RYR3: variants seen among roughly 807,000 people sequenced by gnomAD.
The protein encoded by RYR3 is brain ryanodine receptor-calcium release channel.
Under a neutral mutation model 584.3 loss-of-function variants are expected in RYR3, and 207 were observed. The ratio of observed to expected loss-of-function variants is 0.35; its 90% confidence interval spans 0.32 to 0.40. RYR3 has a LOEUF of 0.40. RYR3 is among the 10% of genes least tolerant of loss of function. The pLI, the probability that RYR3 is intolerant of heterozygous loss-of-function variation, is 1.00. For missense variants in RYR3, 5,616 were observed against 6,089.2 expected, an observed-to-expected ratio of 0.92 and a Z score of 2.59; for synonymous variants, 2,416 against 2,248.5, an observed-to-expected ratio of 1.07 and a Z score of -2.11.
intron 1 of RYR3, among the ~76,000 whole-genome samples, chr15:33,457,677 G>A (rs1227702365): frequency 1.3e-5 from 2 of 152,142 alleles, no homozygotes; most frequent in East Asian, 1.9e-4. Context: ...GGGTGACTAC[G>A]ATTCACAATA....
chr15:33,636,284 T>G, intron 26 of RYR3, 92 bp from the exon 27 acceptor site: 1 of 1,059,822 alleles, frequency 9.4e-7, no homozygotes, highest in African/African-American at 1.6e-5. Context: ...TAACCACTAC[T>G]AGTTAGGAGA....
chr15:33,409,466 C>T (rs189376832), intron 1 of RYR3, among the ~76,000 whole-genome samples: 1 of 152,086 alleles, frequency 6.6e-6, no homozygotes, highest in African/African-American at 2.4e-5. Context: ...GTCTTGGGCT[C>T]CCCAGGTGCT....
At chr15:33,738,953 C>A (rs137966578) in intron 50 of RYR3, among the ~76,000 whole-genome samples, 1 of 152,276 alleles carries the variant, frequency 6.6e-6, no homozygotes, top group Non-Finnish European at 1.5e-5. Context: ...TCACTAGGCT[C>A]GAGCCAAGAG....
chr15:33,749,791 G>C (rs987496672), intron 55 of RYR3, among the ~76,000 whole-genome samples, 188 bp from the exon 56 acceptor site: 1 of 152,204 alleles, frequency 6.6e-6, no homozygotes, highest in Non-Finnish European at 1.5e-5. Flanking sequence ...TTTTCTATGT[G>C]TATGGGAGGA....
At chr15:33,622,837 T>G (rs763843910) in intron 19 of RYR3, among the ~76,000 whole-genome samples, 2 of 152,236 alleles carry the variant, frequency 1.3e-5, no homozygotes, top group Non-Finnish European at 2.9e-5. Context: ...TTTCTGATTA[T>G]AAACCTGGGA....
Position 33,831,000 on chromosome 15 carries a change from A to C in RYR3, c.11372A>C (p.Lys3791Thr), listed in dbSNP as rs1228557124. The C allele has an allele frequency of 6.2e-7, 1 of 1,613,734 alleles. No individual in the cohort carries two copies. Among genetic ancestry groups the C allele is most frequent in the East Asian group, 2.2e-5 (1 of 44,878 alleles). ...ISDFYWYYSG[K>T]DIIDESGQHN... ...GATTTCTACTGGTATTATTCAGGGA[A>C]GGACATCATTGATGAATCTGGACAG... Residue 3791 changes from lysine (K) to threonine (T), a missense_variant, in exon 86 of 104, where the codon AAG (lysine) becomes ACG (threonine). Coordinates refer to ENST00000634891, the MANE Select transcript of RYR3 (RefSeq NM_001036.6).
intron 1 of RYR3, among the ~76,000 whole-genome samples, chr15:33,348,868 T>G (rs1440881595): frequency 1.3e-5 from 2 of 152,178 alleles, no homozygotes; most frequent in Non-Finnish European, 2.9e-5. Flanking sequence ...ATGTATCCAC[T>G]ATTGCAGCAT....
chr15:33,700,793 A>G (rs775722516), intron 41 of RYR3, among the ~76,000 whole-genome samples, 184 bp from the exon 42 acceptor site: 7 of 152,122 alleles, frequency 4.6e-5, no homozygotes, highest in Admixed American at 1.3e-4. Context: ...GAATGTGGGG[A>G]GGAAGGATAG....
chr15:33,678,359 T>A (rs911249733), intron 38 of RYR3, among the ~76,000 whole-genome samples: 1 of 152,162 alleles, frequency 6.6e-6, no homozygotes, highest in Non-Finnish European at 1.5e-5. Flanking sequence ...TGTATAGTTC[T>A]TCCCCCTTCA....
intron 1 of RYR3, among the ~76,000 whole-genome samples, chr15:33,438,364 A>G (rs1567237031): frequency 6.6e-6 from 1 of 151,958 alleles, no homozygotes; most frequent in South Asian, 2.1e-4. Flanking sequence ...CATTGCTTCT[A>G]TGAGCTCCTT....
chr15:33,763,641 C>T (rs551099003), intron 60 of RYR3, among the ~76,000 whole-genome samples: 2 of 152,066 alleles, frequency 1.3e-5, no homozygotes, highest in South Asian at 4.2e-4. Flanking sequence ...GCCTGTAAAC[C>T]CAGCACTTTG....
In RYR3 at chr15:33,629,981, G is replaced by A; in HGVS notation, c.2721G>A (p.Glu907=). 2 of 1,607,552 alleles carry A rather than the reference G, an allele frequency of 1.2e-6. No individual in the cohort carries two copies. The highest frequency in any genetic ancestry group is 1.7e-5 in the Admixed American group (1 of 59,286). The change falls in exon 22 of 104, where the codon GAG becomes GAA. Residue 907 remains glutamate (E), a synonymous_variant. Transcript: ENST00000634891. The stretch of plus-strand genomic sequence containing the variant: ...AAAGACAACACCCTTGCCTTGTGGA[G>A]TTTTCAAAGCTCCCAGAAACTGAGA... ...DNKRQHPCLV[E]FSKLPETEKN...
intron 67 of RYR3, among the ~76,000 whole-genome samples, chr15:33,791,806 C>G (rs988507131): frequency 2.0e-5 from 3 of 151,966 alleles, no homozygotes; most frequent in Admixed American, 6.6e-5. Flanking sequence ...TAAAGATTTA[C>G]CATGGAATTT....
chr15:33,388,974 C>T (rs867836802), intron 1 of RYR3, among the ~76,000 whole-genome samples: 1 of 149,912 alleles, frequency 6.7e-6, no homozygotes, highest in African/African-American at 2.5e-5. Flanking sequence ...TCATCATTCT[C>T]AGCAAACTAT....
intron 43 of RYR3, among the ~76,000 whole-genome samples, chr15:33,721,930 A>G (rs568058695): frequency 6.6e-6 from 1 of 152,336 alleles, no homozygotes; most frequent in African/African-American, 2.4e-5. Context: ...ATCCAAAAAC[A>G]AATGCCACAG....
chr15:33,416,324 G>A (rs1467664606), intron 1 of RYR3, among the ~76,000 whole-genome samples: 1 of 152,140 alleles, frequency 6.6e-6, no homozygotes, highest in African/African-American at 2.4e-5. Flanking sequence ...GCTACCAATA[G>A]CAATAAGCAT....
intron 43 of RYR3, among the ~76,000 whole-genome samples, chr15:33,707,727 C>T (rs77878665): frequency 0.03 from 4,529 of 152,206 alleles, 144 homozygotes; most frequent in Non-Finnish European, 0.036. Context: ...CCTCTCTGTT[C>T]TCTCAGTTTG....
intron 3 of RYR3, among the ~76,000 whole-genome samples, chr15:33,510,597 T>C (rs1485002334): frequency 6.6e-6 from 1 of 151,762 alleles, no homozygotes; most frequent in African/African-American, 2.4e-5. Context: ...ATTTTAATTT[T>C]TTTTTTTTTT....
intron 1 of RYR3, among the ~76,000 whole-genome samples, chr15:33,325,713 T>C (rs1969585269): frequency 8.8e-6 from 1 of 113,714 alleles, no homozygotes; most frequent in Non-Finnish European, 1.9e-5. Flanking sequence ...CTCTCTGCCT[T>C]CCCCCTCCCC....
Sources: gnomAD v4.1 joint callset for allele counts (sites outside exome capture counted in the v4.1 genomes callset) on GRCh38, gnomAD v4.1.1 for gene constraint, MANE v1.5 for transcripts, NCBI Gene and HGNC (gene_info 2026-07-23, HGNC 2026-07-21) for gene names.